Variants in RAD54L2 observed in about 807,000 individuals in gnomAD.
The protein encoded by RAD54L2 is RAD54 like 2.
In RAD54L2, 27 loss-of-function variants were observed where a neutral mutation model predicts 138.4. That is an observed-to-expected ratio of 0.20 (90% CI 0.14 to 0.27). The LOEUF is 0.27. Among genes scored for constraint, RAD54L2 ranks in the 10% least tolerant of loss-of-function variants. The pLI is 1.00. For synonymous variants in RAD54L2, 644 were observed against 723.2 expected (o/e 0.89, Z 1.76); for missense variants, 1,396 against 1,890.2 (o/e 0.74, Z 4.85).
chr3:51,600,848 T>C (rs1700065153), intron 3 of RAD54L2, among the ~76,000 whole-genome samples: 2 of 152,052 alleles, frequency 1.3e-5, no homozygotes, highest in Admixed American at 1.3e-4. Context: ...GCACCTGTAA[T>C]CCCAGCAATT....
rs1699654754 is a variant in RAD54L2 at position 51,583,614 on chromosome 3, AC to A, written c.-54-6752del. 2.2e-5 allele frequency among the ~76,000 whole-genome samples: 3 copies of A among 139,188 alleles called. 1 individual carries two copies. The South Asian group carries it at 6.9e-4, about 32-fold the overall frequency. 91.3% of individuals were successfully genotyped at this position (139,188 alleles called of 152,430 possible). On this transcript the variant is annotated intron_variant, in intron 2 of 22. Transcript: ENST00000684192. ...TTTTTTTTTTTTTTTTTTAGTAGAGACGGGATTTCTCCATGTTAGTCAGGCT... is the reference window on the plus strand; with the variant it reads ...TTTTTTTTTTTTTTTTTTAGTAGAGAGGGATTTCTCCATGTTAGTCAGGCT...
chr3:51,541,833 A>G (rs1698561315), intron 2 of RAD54L2, 183 bp downstream of exon 2: 1 of 152,244 alleles, frequency 6.6e-6, no homozygotes, highest in Admixed American at 6.5e-5. Context: ...GAAATGTAAA[A>G]TCAAGGTATT....
intron 2 of RAD54L2, among the ~76,000 whole-genome samples, chr3:51,553,160 C>T (rs1698879948): frequency 6.6e-6 from 1 of 152,072 alleles, no homozygotes; most frequent in East Asian, 1.9e-4. Context: ...TCACTGCAAC[C>T]TCCACCTCCC....
chr3:51,571,388 C>CTTTTT (rs568383202), intron 2 of RAD54L2, among the ~76,000 whole-genome samples: 6 of 115,842 alleles, frequency 5.2e-5, no homozygotes, highest in African/African-American at 1.9e-4. Context: ...GGAATACCTG[C>CTTTTT]TTTTTTTTTT....
At chr3:51,617,869 C>G (rs1700478504) in intron 3 of RAD54L2, among the ~76,000 whole-genome samples, 1 of 152,078 alleles carries the variant, frequency 6.6e-6, no homozygotes, top group Admixed American at 6.6e-5. Flanking sequence ...CGTGACAGAG[C>G]AAAATTCTGT....
chr3:51,652,130 C>T (rs1457934910), intron 19 of RAD54L2, among the ~76,000 whole-genome samples: 2 of 152,104 alleles, frequency 1.3e-5, no homozygotes, highest in Non-Finnish European at 1.5e-5. Flanking sequence ...ACAAGCATTC[C>T]TATACACCAA....
chr3:51,558,258 G>A (rs116832688), intron 2 of RAD54L2, among the ~76,000 whole-genome samples: 91 of 152,244 alleles, frequency 6.0e-4, no homozygotes, highest in Non-Finnish European at 7.2e-4. Flanking sequence ...CACCAGAGAC[G>A]TGTGACCTGC....
At chr3:51,648,457 C>T (rs2106830923) in intron 19 of RAD54L2, among the ~76,000 whole-genome samples, 1 of 152,318 alleles carries the variant, frequency 6.6e-6, no homozygotes, top group African/African-American at 2.4e-5. Flanking sequence ...GTTCTCCCAG[C>T]ACGAAGTTTG....
chr3:51,621,303 G>C (rs1700565288), intron 3 of RAD54L2, among the ~76,000 whole-genome samples: 1 of 152,202 alleles, frequency 6.6e-6, no homozygotes, highest in Non-Finnish European at 1.5e-5. Context: ...TTCAAAGAAT[G>C]CTGGGTGGTA....
intron 2 of RAD54L2, among the ~76,000 whole-genome samples, chr3:51,551,278 G>A (rs1268728178): frequency 6.6e-6 from 1 of 151,928 alleles, no homozygotes; most frequent in East Asian, 1.9e-4. Context: ...GGCCACAGGT[G>A]CATGCCACCA....
intron 2 of RAD54L2, among the ~76,000 whole-genome samples, chr3:51,589,322 A>G (rs1019058997): frequency 6.6e-6 from 1 of 152,152 alleles, no homozygotes; most frequent in African/African-American, 2.4e-5. Context: ...GCTTGAACCC[A>G]GGAATTTGAG....
Position 51,645,369 on chromosome 3 carries a change from T to G in RAD54L2, c.2656+140T>G, listed in dbSNP as rs905351420. On this transcript the variant is annotated intron_variant, in intron 17 of 22. Transcript: ENST00000684192. The surrounding 1 kb of genome is among the most constrained non-coding windows in gnomAD (Gnocchi z 6.1). ...GCATTTCCTCCTATCTCATTCTGAT[T>G]CAAATTGCTTAAAAGGTAATTGACC... 5.8e-6 allele frequency: 6 copies of G among 1,035,464 alleles called. No individual in the cohort carries two copies. The African/African-American group carries it at 9.7e-5, about 17-fold the overall frequency. 64.1% of individuals were successfully genotyped at this position (1,035,464 alleles called of 1,614,324 possible). A position where few individuals can be genotyped will look rare whatever the true frequency, so the allele number is the denominator to read the frequency against.
chr3:51,564,999 C>G (rs1279781945), intron 2 of RAD54L2, among the ~76,000 whole-genome samples: 1 of 152,068 alleles, frequency 6.6e-6, no homozygotes, highest in African/African-American at 2.4e-5. Context: ...TCATCACACT[C>G]CTGAAGTCAG....
intron 22 of RAD54L2, 22 bp downstream of exon 22, chr3:51,660,140 A>G (rs1220682255): frequency 1.3e-6 from 2 of 1,566,212 alleles, no homozygotes; most frequent in Non-Finnish European, 1.7e-6. Flanking sequence ...TTTACTTTCC[A>G]TTTTACTTTT....
At chr3:51,614,938 C>CT (rs1367694302) in intron 3 of RAD54L2, among the ~76,000 whole-genome samples, 4 of 150,886 alleles carry the variant, frequency 2.7e-5, no homozygotes, top group African/African-American at 9.7e-5. Context: ...TTTTCTCAAA[C>CT]TGGCTTCATG....
intron 2 of RAD54L2, among the ~76,000 whole-genome samples, chr3:51,544,014 T>A (rs893857111): frequency 9.2e-5 from 14 of 152,040 alleles, no homozygotes; most frequent in East Asian, 1.9e-4. Context: ...TTGGTATTTT[T>A]AAAAAAAATT....
chr3:51,540,163 T>G (rs535510376), intron 1 of RAD54L2, among the ~76,000 whole-genome samples: 4 of 152,354 alleles, frequency 2.6e-5, no homozygotes, highest in Admixed American at 1.3e-4. Context: ...TTTAAAAGCT[T>G]CTTTTCACTA....
At chr3:51,545,931 CTTTT>C (rs781819728) in intron 2 of RAD54L2, among the ~76,000 whole-genome samples, 6 of 79,452 alleles carry the variant, frequency 7.6e-5, no homozygotes, top group African/African-American at 2.6e-4. Flanking sequence ...TACATCAATT[CTTTT>C]TTTTTTTTTT....
rs560546332 is a variant in RAD54L2 at position 51,665,909 on chromosome 3, C to T, written c.*2489C>T. The T allele has an allele frequency of 2.0e-5, 3 of 152,314 alleles. No homozygotes were observed. The East Asian group carries it at 5.8e-4, about 29-fold the overall frequency. 9.4% of individuals were successfully genotyped at this position (152,314 alleles called of 1,614,324 possible). A position where few individuals can be genotyped will look rare whatever the true frequency, so the allele number is the denominator to read the frequency against. On this transcript the variant is annotated 3_prime_UTR_variant, in exon 23 of 23. Coordinates refer to ENST00000684192, the MANE Select transcript of RAD54L2 (RefSeq NM_015106.4). ...TCCAAGAATCCGGAAACCTTCCCAGCCGGGAACTGAAACCATTCCCTGGAG... is the reference window on the plus strand; with the variant it reads ...TCCAAGAATCCGGAAACCTTCCCAGTCGGGAACTGAAACCATTCCCTGGAG...
Sources: gnomAD v4.1 joint callset for allele counts (sites outside exome capture counted in the v4.1 genomes callset) on GRCh38, gnomAD v4.1.1 for gene constraint, Gnocchi (gnomAD v3.1) non-coding constraint, MANE v1.5 for transcripts, NCBI Gene and HGNC (gene_info 2026-07-23, HGNC 2026-07-21) for gene names.